Variants in NMRAL1 observed in about 807,000 individuals in gnomAD.
The protein encoded by NMRAL1 is NmrA like redox sensor 1.
In NMRAL1, 32 loss-of-function variants were observed where a neutral mutation model predicts 27.5. That is an observed-to-expected ratio of 1.16 (90% CI 0.88 to 1.56). The LOEUF (loss-of-function observed/expected upper bound fraction) is 1.56, where lower values mean the gene tolerates loss of function less well. NMRAL1 is among the 40% of genes most tolerant of loss of function. NMRAL1 has a pLI of 0.00. For missense variants in NMRAL1, 420 were observed against 392.0 expected (o/e 1.07, Z -0.60); for synonymous variants, 166 against 166.8 (o/e 1.00, Z 0.04).
upstream of NMRAL1, chr16:4,476,019 G>C (rs1047792846): frequency 2.6e-5 from 4 of 152,242 alleles, no homozygotes; most frequent in Non-Finnish European, 4.4e-5. Context: ...ATACAAGACT[G>C]GTAACCGAGG....
intron 2 of NMRAL1, among the ~76,000 whole-genome samples, chr16:4,472,306 G>T (rs976411757): frequency 1.3e-5 from 2 of 151,990 alleles, no homozygotes; most frequent in African/African-American, 2.4e-5. Context: ...GCTGGGTGTG[G>T]TGGTGCACAC....
At chr16:4,474,019 A>G (rs1036545986) in intron 2 of NMRAL1, 74 bp downstream of exon 2, 1 of 1,225,750 alleles carries the variant, frequency 8.2e-7, no homozygotes, top group African/African-American at 1.5e-5. Flanking sequence ...CCCTCCCTGC[A>G]GACCCCAGGA....
Position 4,461,815 on chromosome 16 carries a change from G to A in NMRAL1, c.865C>T (p.Leu289=). 1 of 1,614,160 alleles carries A rather than the reference G, an allele frequency of 6.2e-7. No individual in the cohort carries two copies. Among genetic ancestry groups the A allele is most frequent in the Non-Finnish European group, 8.5e-7 (1 of 1,179,998 alleles). The change falls in exon 6 of 6, where the codon CTG becomes TTG. Residue 289 remains leucine, a synonymous_variant. Coordinates refer to ENST00000283429, the MANE Select transcript of NMRAL1 (RefSeq NM_020677.6). ...TTGAAGTCCCCTTTGTGCTGTTCCA[G>A]CCACTGGTCCAGCGTCAGGGCCTTG... is the stretch of plus-strand genomic sequence containing the variant. ...NPKALTLDQW[L]EQHKGDFNLL is the part of the protein sequence containing the mutation.
intron 2 of NMRAL1, among the ~76,000 whole-genome samples, chr16:4,472,762 A>G (rs1313534135): frequency 6.6e-6 from 1 of 150,942 alleles, no homozygotes; most frequent in Non-Finnish European, 1.5e-5. Context: ...AAAAAAAAAG[A>G]GTAAAGCCCG....
chr16:4,473,676 C>A (rs755560852), intron 2 of NMRAL1, among the ~76,000 whole-genome samples: 30 of 151,844 alleles, frequency 2.0e-4, no homozygotes, highest in Admixed American at 1.5e-3. Context: ...CCTGTAATAC[C>A]TGCACTTTGG....
Position 4,461,907 on chromosome 16 carries a change from G to T in NMRAL1, c.773C>A (p.Ala258Asp). The T allele has an allele frequency of 6.2e-7, 1 of 1,614,206 alleles. No individual in the cohort carries two copies. Among genetic ancestry groups the T allele is most frequent in the Non-Finnish European group, 8.5e-7 (1 of 1,180,022 alleles). The change falls in exon 6 of 6, where the codon GCC becomes GAC. Residue 258 changes from alanine to aspartate, a missense_variant. Physicochemically the swap from Ala to Asp is moderately radical, Grantham distance 126. Transcript: ENST00000283429. ...CAGGGCATAGAAACGGAACATGTTG[G>T]CCAGGTCCCGGGCACCGGGAAAGCC... Reference protein sequence around the residue: ...KLGFPGARDLANMFRFYALRP... With the variant: ...KLGFPGARDLDNMFRFYALRP...
At chr16:4,475,411 G>T (rs567032269), upstream of NMRAL1, among the ~76,000 whole-genome samples, 1 of 151,940 alleles carries the variant, frequency 6.6e-6, no homozygotes, top group African/African-American at 2.4e-5. Context: ...GGGTTCAAGT[G>T]ATTCTCCTGC....
At chr16:4,469,560 GCAT>G (rs1189381552) in intron 2 of NMRAL1, 95 bp from the exon 3 acceptor site, 21 of 1,559,742 alleles carry the variant, frequency 1.3e-5, no homozygotes, top group Non-Finnish European at 1.8e-5. Flanking sequence ...ACAGCAAGGA[GCAT>G]CCAGGAAACC....
At position 4,474,096 on chromosome 16, in the gene NMRAL1, T is replaced by G. The variant is rs761615414; in HGVS notation, c.37A>C (p.Thr13Pro). The G allele has an allele frequency of 3.1e-6, 5 of 1,611,970 alleles. 1 individual carries two copies. In the South Asian group the frequency reaches 4.4e-5, roughly 14 times the overall value. ...DKKLVVVFGGTGAQGGSVART... is the reference protein window; with the variant it reads ...DKKLVVVFGGPGAQGGSVART... The stretch of plus-strand genomic sequence containing the variant: ...CCCAGTCTGGGGTTTGGCTCACCTG[T>G]GCCTCCGAAAACCACCACCAGTTTC... The change falls in exon 2 of 6, where the codon ACA becomes CCA. Residue 13 changes from threonine (T) to proline (P), a missense_variant. Coordinates refer to ENST00000283429, the MANE Select transcript of NMRAL1 (RefSeq NM_020677.6).
chr16:4,469,976 AAC>A (rs1187366925), intron 2 of NMRAL1, among the ~76,000 whole-genome samples: 1 of 151,682 alleles, frequency 6.6e-6, no homozygotes, highest in Non-Finnish European at 1.5e-5. Context: ...CATCCTGGCT[AAC>A]ACAGTGAAAC....
intron 3 of NMRAL1, among the ~76,000 whole-genome samples, chr16:4,468,305 A>T (rs1304200904): frequency 2.0e-5 from 3 of 151,870 alleles, no homozygotes; most frequent in Admixed American, 1.3e-4. Flanking sequence ...TCGGCCTCAA[A>T]AAATAAAGAA....
intron 5 of NMRAL1, among the ~76,000 whole-genome samples, chr16:4,462,381 G>A (rs750536018): frequency 2.0e-5 from 3 of 152,192 alleles, no homozygotes; most frequent in Non-Finnish European, 4.4e-5. Context: ...AGGAGGCTGA[G>A]ACAGGAGAAT....
intron 3 of NMRAL1, chr16:4,466,860 A>G (rs2057350030): frequency 5.7e-6 from 1 of 176,070 alleles, no homozygotes; most frequent in Admixed American, 5.4e-5. Flanking sequence ...TGATGGCACC[A>G]TCCTGACCTC....
chr16:4,469,096 T>A, intron 3 of NMRAL1, 131 bp downstream of exon 3: 1 of 682,698 alleles, frequency 1.5e-6, no homozygotes, highest in South Asian at 1.7e-5. Flanking sequence ...CTTCACAGCC[T>A]AGAGCAGGCA....
chr16:4,466,121 C>T, intron 4 of NMRAL1, 32 bp downstream of exon 4: 2 of 1,611,974 alleles, frequency 1.2e-6, no homozygotes, highest in South Asian at 1.1e-5. Flanking sequence ...GGTGAGAGCT[C>T]TGCCTCACCG....
upstream of NMRAL1, chr16:4,476,309 G>C (rs1362625): frequency 0.12 from 17,634 of 152,348 alleles, 2,133 homozygotes; most frequent in African/African-American, 0.3. Context: ...TCCCGCCCCC[G>C]GCAAGGGCGT....
At chr16:4,464,114 A>C in intron 4 of NMRAL1, 2 of 517,892 alleles carry the variant, frequency 3.9e-6, no homozygotes, top group Non-Finnish European at 6.7e-6. Flanking sequence ...CATTCCTAGA[A>C]TGGGGCTAAG....
chr16:4,461,917 G>C lies in NMRAL1; in HGVS notation c.763C>G (p.Arg255Gly). ...AAACGGAACATGTTGGCCAGGTCCC[G>C]GGCACCGGGAAAGCCAAGCTTTTCG... ...DYEKLGFPGA[R>G]DLANMFRFYA... The change falls in exon 6 of 6, where the codon CGG (arginine) becomes GGG (glycine). Residue 255 changes from arginine to glycine, a missense_variant. Coordinates refer to ENST00000283429, the MANE Select transcript of NMRAL1 (RefSeq NM_020677.6). 1.2e-6 allele frequency: 2 copies of C among 1,614,094 alleles called. No homozygotes were observed. The highest frequency in any genetic ancestry group is 1.3e-5 in the African/African-American group (1 of 75,042).
At chr16:4,463,934 G>C in intron 4 of NMRAL1, 84 bp from the exon 5 acceptor site, 1 of 1,180,572 alleles carries the variant, frequency 8.5e-7, no homozygotes, top group Admixed American at 2.3e-5. Flanking sequence ...GGTCCAAGCT[G>C]GTTCTTCCCA....
Sources: allele counts gnomAD v4.1 joint callset (sites outside exome capture counted in the v4.1 genomes callset), GRCh38; gene constraint gnomAD v4.1.1; transcripts MANE v1.5; gene names NCBI Gene and HGNC (gene_info 2026-07-23, HGNC 2026-07-21).